The following CSMD1 variants were observed in gnomAD, a reference collection of about 807,000 sequenced individuals.
CSMD1 encodes the protein CUB and sushi domain-containing protein 1.
Under a neutral mutation model 417.5 loss-of-function variants are expected in CSMD1, and 213 were observed. The observed-to-expected ratio is 0.51, with a 90% CI of 0.46 to 0.57. The LOEUF (loss-of-function observed/expected upper bound fraction) is 0.57. Ranked by LOEUF, CSMD1 falls within the 20% of genes least tolerant of loss-of-function variation. The pLI is 0.00. For synonymous variants in CSMD1, 2,862 were observed against 1,736.8 expected (o/e 1.65, Z -16.11); for missense variants, 6,923 against 4,529.7 (o/e 1.53, Z -15.17).
At chr8:3,503,757 C>A (rs1796704883) in intron 10 of CSMD1, among the ~76,000 whole-genome samples, 1 of 152,170 alleles carries the variant, frequency 6.6e-6, no homozygotes, top group Non-Finnish European at 1.5e-5. Context: ...CCTGTCTCAG[C>A]CCACCTGTGG....
At chr8:4,064,161 C>T (rs545822730) in intron 3 of CSMD1, among the ~76,000 whole-genome samples, 2 of 152,308 alleles carry the variant, frequency 1.3e-5, no homozygotes, top group South Asian at 4.1e-4. Flanking sequence ...AAAAGTTTGA[C>T]TATGAAAAGT....
At chr8:4,451,268 C>T (rs1007990701) in intron 2 of CSMD1, among the ~76,000 whole-genome samples, 1 of 152,108 alleles carries the variant, frequency 6.6e-6, no homozygotes, top group East Asian at 1.9e-4. Flanking sequence ...GAGGTCCAGG[C>T]GGCAGTGATC....
chr8:3,550,142 GC>G (rs2116772800), intron 10 of CSMD1, among the ~76,000 whole-genome samples: 1 of 152,214 alleles, frequency 6.6e-6, no homozygotes, highest in East Asian at 1.9e-4. Context: ...CATGCACGTG[GC>G]CTCAAAATCT....
intron 5 of CSMD1, among the ~76,000 whole-genome samples, chr8:3,828,405 T>C (rs1802177084): frequency 3.3e-5 from 5 of 151,972 alleles, no homozygotes; most frequent in Admixed American, 3.3e-4. Flanking sequence ...TACCATATTG[T>C]CATATTGCAA....
At chr8:4,631,492 T>C (rs1476946987) in intron 2 of CSMD1, among the ~76,000 whole-genome samples, 1 of 151,434 alleles carries the variant, frequency 6.6e-6, no homozygotes, top group African/African-American at 2.4e-5. Context: ...ATTTAGGCAA[T>C]GCTAGGTCTC....
chr8:4,011,353 T>A (rs573796185), intron 4 of CSMD1, among the ~76,000 whole-genome samples: 22 of 152,340 alleles, frequency 1.4e-4, no homozygotes, highest in South Asian at 6.2e-4. Flanking sequence ...AACAATGTTA[T>A]AGACTTTTCT....
At chr8:4,211,754 C>G (rs770459870) in intron 3 of CSMD1, among the ~76,000 whole-genome samples, 1 of 152,154 alleles carries the variant, frequency 6.6e-6, no homozygotes, top group Non-Finnish European at 1.5e-5. Flanking sequence ...CTGCAAATGT[C>G]AACCTCCTTC....
chr8:4,038,853 G>A (rs559861764), intron 3 of CSMD1, among the ~76,000 whole-genome samples: 4 of 152,106 alleles, frequency 2.6e-5, no homozygotes, highest in East Asian at 1.9e-4. Flanking sequence ...TGTACATCAG[G>A]GCTTGAAACT....
intron 1 of CSMD1, among the ~76,000 whole-genome samples, chr8:4,827,178 C>T (rs977576912): frequency 6.6e-6 from 1 of 152,082 alleles, no homozygotes; most frequent in Non-Finnish European, 1.5e-5. Context: ...GTTTTCGTTG[C>T]CATGCAATAT....
intron 1 of CSMD1, among the ~76,000 whole-genome samples, chr8:4,847,774 G>T (rs1030771525): frequency 3.5e-5 from 5 of 142,132 alleles, no homozygotes; most frequent in Non-Finnish European, 6.2e-5. Flanking sequence ...CCTCTCTATC[G>T]GGATTTTTTT....
At chr8:2,938,885 C>T (rs1023591927) in intron 69 of CSMD1, 141 bp from the exon 70 acceptor site, 1 of 630,528 alleles carries the variant, frequency 1.6e-6, no homozygotes, top group Non-Finnish European at 2.7e-6. Context: ...GCATCCACAC[C>T]TGCACACCTG....
chr8:3,712,351 G>C (rs12681058), intron 6 of CSMD1, among the ~76,000 whole-genome samples: 84,515 of 150,534 alleles, frequency 0.56, 23,902 homozygotes, highest in Admixed American at 0.63. Flanking sequence ...GAGCTGAGCA[G>C]AGATTTTCAT....
intron 2 of CSMD1, among the ~76,000 whole-genome samples, chr8:4,582,956 G>A (rs1018571037): frequency 2.6e-5 from 4 of 152,208 alleles, no homozygotes; most frequent in African/African-American, 7.2e-5. Context: ...TGAGCAATGA[G>A]GGACATAGCA....
intron 11 of CSMD1, among the ~76,000 whole-genome samples, chr8:3,490,754 C>G (rs1357413029): frequency 6.6e-6 from 1 of 152,112 alleles, no homozygotes; most frequent in Non-Finnish European, 1.5e-5. Flanking sequence ...GTGCTGTTCC[C>G]AACCCTGTCC....
At chr8:4,332,821 A>C (rs56341943) in intron 3 of CSMD1, among the ~76,000 whole-genome samples, 7,214 of 152,122 alleles carry the variant, frequency 0.047, 212 homozygotes, top group Middle Eastern at 0.14. Context: ...GTTTTCAGGG[A>C]AACTTTATTT....
chr8:4,686,969 G>A (rs115355354), intron 1 of CSMD1, among the ~76,000 whole-genome samples: 266 of 152,302 alleles, frequency 1.7e-3, no homozygotes, highest in African/African-American at 6.3e-3. Context: ...GTCCTGAACG[G>A]CACACAGGGA....
intron 21 of CSMD1, among the ~76,000 whole-genome samples, chr8:3,357,589 G>A (rs1808876587): frequency 6.6e-6 from 1 of 152,138 alleles, no homozygotes; most frequent in Non-Finnish European, 1.5e-5. Flanking sequence ...GGATGAAATA[G>A]AATAACATTT....
chr8:3,091,107 C>A (rs1157298502), intron 48 of CSMD1, among the ~76,000 whole-genome samples: 2 of 151,830 alleles, frequency 1.3e-5, no homozygotes, highest in African/African-American at 2.4e-5. Context: ...AAGAGACCTG[C>A]AGATAGATAC....
At chr8:4,732,994 C>T (rs963264481) in intron 1 of CSMD1, among the ~76,000 whole-genome samples, 9 of 151,054 alleles carry the variant, frequency 6.0e-5, no homozygotes, top group Admixed American at 2.7e-4. Context: ...TCTAGGGCTA[C>T]GCTCCTCTTT....
Sources: gnomAD v4.1 joint callset for allele counts (sites outside exome capture counted in the v4.1 genomes callset) on GRCh38, gnomAD v4.1.1 for gene constraint, MANE v1.5 for transcripts, NCBI Gene and HGNC (gene_info 2026-07-23, HGNC 2026-07-21) for gene names.